Variants in ZNF423 observed in about 807,000 individuals in gnomAD.
ZNF423 encodes zinc finger protein 423, also known as Ebf-associated zinc finger protein.
A neutral mutation model predicts 95.8 loss-of-function variants in ZNF423; 12 were observed. The observed-to-expected ratio is 0.13, with a 90% CI of 0.08 to 0.20. The LOEUF (loss-of-function observed/expected upper bound fraction) is 0.20. Ranked by LOEUF, ZNF423 falls within the 10% of genes least tolerant of loss-of-function variation. ZNF423 has a pLI of 1.00. For synonymous variants in ZNF423, 749 were observed against 711.9 expected, an observed-to-expected ratio of 1.05 and a Z score of -0.83; for missense variants, 1,316 against 1,737.1, an observed-to-expected ratio of 0.76 and a Z score of 4.31.
intron 5 of ZNF423, among the ~76,000 whole-genome samples, chr16:49,597,008 G>T (rs1041896606): frequency 3.0e-4 from 45 of 152,176 alleles, no homozygotes; most frequent in African/African-American, 1.0e-3. Context: ...TGGGCTTCGG[G>T]CTCCATCCAA....
chr16:49,677,305 AGAGAAAG>A, intron 3 of ZNF423, among the ~76,000 whole-genome samples: 4 of 91,404 alleles, frequency 4.4e-5, no homozygotes, highest in African/African-American at 1.8e-4. Context: ...AGAGAAGAGA[AGAGAAAG>A]GAGGGGAAGG....
chr16:49,503,826 T>C (rs4785177), intron 7 of ZNF423, among the ~76,000 whole-genome samples: 18,706 of 152,148 alleles, frequency 0.12, 1,472 homozygotes, highest in African/African-American at 0.23. Context: ...AATGACAGCC[T>C]GCAAGCTACT....
chr16:49,706,847 A>G (rs916822195), intron 3 of ZNF423, among the ~76,000 whole-genome samples: 1 of 152,120 alleles, frequency 6.6e-6, no homozygotes, highest in African/African-American at 2.4e-5. Flanking sequence ...GGGCACCAAC[A>G]ACACAAGGGC....
intron 5 of ZNF423, among the ~76,000 whole-genome samples, chr16:49,613,691 C>A (rs540112542): frequency 2.6e-5 from 4 of 152,256 alleles, no homozygotes; most frequent in Admixed American, 1.3e-4. Flanking sequence ...GTCGACAGAG[C>A]TAGATCTTGT....
chr16:49,502,848 C>A lies in ZNF423; in HGVS notation c.3850-11544G>T, dbSNP rs536515893. ...CCCCGTCATGTGCCCACCCTCCCCA[C>A]ACACGGATACCCCCCAATCCCATGT... On this transcript the variant is annotated intron_variant, in intron 7 of 7. Transcript: ENST00000563137. 7.7e-5 allele frequency among the ~76,000 whole-genome samples: 11 copies of A among 142,036 alleles called. No homozygotes were observed. The South Asian group carries it at 2.3e-3, about 30-fold the overall frequency. 93.2% of individuals were successfully genotyped at this position (142,036 alleles called of 152,430 possible).
chr16:49,553,186 A>G (rs1490686921), intron 5 of ZNF423, among the ~76,000 whole-genome samples: 2 of 152,164 alleles, frequency 1.3e-5, no homozygotes, highest in East Asian at 1.9e-4. Flanking sequence ...AATGATAATA[A>G]TAAGTCTTAC....
At chr16:49,549,406 GC>G (rs765032938) in intron 5 of ZNF423, among the ~76,000 whole-genome samples, 19 of 152,230 alleles carry the variant, frequency 1.2e-4, no homozygotes, top group Non-Finnish European at 2.1e-4. Context: ...CCAGGCAAGT[GC>G]ATGATTCTGC....
chr16:49,618,579 C>A (rs921751382), intron 5 of ZNF423, among the ~76,000 whole-genome samples: 13 of 152,172 alleles, frequency 8.5e-5, no homozygotes, highest in African/African-American at 2.9e-4. Flanking sequence ...GCTTCCCCTT[C>A]CACTATGATT....
intron 3 of ZNF423, among the ~76,000 whole-genome samples, chr16:49,683,069 G>C (rs762086186): frequency 6.6e-6 from 1 of 152,184 alleles, no homozygotes; most frequent in Non-Finnish European, 1.5e-5. Flanking sequence ...GTGGGGACCC[G>C]CCCTGGCCAT....
At chr16:49,807,086 A>G (rs1166945587) in intron 1 of ZNF423, among the ~76,000 whole-genome samples, 1 of 151,752 alleles carries the variant, frequency 6.6e-6, no homozygotes, top group Non-Finnish European at 1.5e-5. Context: ...TTAAACATAC[A>G]CTACAGCAGT....
intron 2 of ZNF423, among the ~76,000 whole-genome samples, chr16:49,774,134 T>A (rs2034081557): frequency 6.6e-6 from 1 of 152,128 alleles, no homozygotes; most frequent in East Asian, 1.9e-4. Context: ...CTCCTTGGGG[T>A]CCTCAGGCCC....
At position 49,656,458 on chromosome 16, in the gene ZNF423, C is replaced by T. The variant is rs373074844; in HGVS notation, c.302-17584G>A. Reference sequence around the variant, plus strand: ...CCCAGGGGGCAGAGGTTGCAGTGAGCCAAGACTGTACCACTGCATCCAGCC... The same window carrying T: ...CCCAGGGGGCAGAGGTTGCAGTGAGTCAAGACTGTACCACTGCATCCAGCC... On this transcript the variant is annotated intron_variant, in intron 3 of 7. Transcript: ENST00000563137. Among the ~76,000 whole-genome samples the T allele has an allele frequency of 1.8e-4, 27 of 151,912 alleles. 1 individual carries two copies. The South Asian group carries it at 5.6e-3, about 32-fold the overall frequency.
intron 5 of ZNF423, among the ~76,000 whole-genome samples, chr16:49,586,276 T>C (rs989886203): frequency 3.9e-5 from 6 of 152,094 alleles, no homozygotes; most frequent in African/African-American, 1.4e-4. Context: ...TTTTTTTTTT[T>C]CCTCCTGTAA....
At chr16:49,663,047 A>G (rs1212441591) in intron 3 of ZNF423, among the ~76,000 whole-genome samples, 2 of 152,236 alleles carry the variant, frequency 1.3e-5, no homozygotes, top group Non-Finnish European at 2.9e-5. Context: ...ACTGAGCATT[A>G]TCCAAGCAGG....
chr16:49,515,893 C>T (rs574908951), intron 7 of ZNF423, among the ~76,000 whole-genome samples: 21 of 152,270 alleles, frequency 1.4e-4, no homozygotes, highest in African/African-American at 4.6e-4. Flanking sequence ...TGGGCAGAGG[C>T]GACCCCTCCC....
At chr16:49,708,202 T>G (rs2032420792) in intron 3 of ZNF423, 2 of 152,256 alleles carry the variant, frequency 1.3e-5, no homozygotes. Context: ...AGCATGGAGA[T>G]GGCTCCAAAG....
At chr16:49,541,439 T>C (rs1293744804) in intron 5 of ZNF423, among the ~76,000 whole-genome samples, 1 of 151,958 alleles carries the variant, frequency 6.6e-6, no homozygotes, top group Non-Finnish European at 1.5e-5. Flanking sequence ...GAAAGAAAAG[T>C]GAGGGAAAGA....
chr16:49,601,853 A>G (rs1320239066), intron 5 of ZNF423, among the ~76,000 whole-genome samples: 1 of 152,208 alleles, frequency 6.6e-6, no homozygotes, highest in Non-Finnish European at 1.5e-5. Flanking sequence ...GAGGAAACAG[A>G]TGGGCAGCCT....
At chr16:49,724,028 C>T (rs758306624) in intron 3 of ZNF423, among the ~76,000 whole-genome samples, 6 of 152,230 alleles carry the variant, frequency 3.9e-5, no homozygotes, top group Non-Finnish European at 7.3e-5. Flanking sequence ...AAATTCAGCA[C>T]ATCCATTTCT....
Sources: gnomAD v4.1 joint callset for allele counts (sites outside exome capture counted in the v4.1 genomes callset) on GRCh38, gnomAD v4.1.1 for gene constraint, MANE v1.5 for transcripts, NCBI Gene and HGNC (gene_info 2026-07-23, HGNC 2026-07-21) for gene names.